The following BEND6 variants were observed in gnomAD, a reference collection of about 807,000 sequenced individuals.
BEND6 encodes BEN domain-containing protein 6.
Under a neutral mutation model 31.8 loss-of-function variants are expected in BEND6, and 24 were observed. The observed-to-expected ratio is 0.75, with a 90% confidence interval of 0.55 to 1.06. BEND6 has a LOEUF of 1.06. Ranked by LOEUF, BEND6 falls within the 50% of genes least tolerant of loss-of-function variation. The pLI is 0.00. For synonymous variants in BEND6, 109 were observed against 114.6 expected, an observed-to-expected ratio of 0.95 and a Z score of 0.31; for missense variants, 294 against 327.4, an observed-to-expected ratio of 0.90 and a Z score of 0.79.
intron 1 of BEND6, among the ~76,000 whole-genome samples, chr6:56,976,614 G>A (rs1486691422): frequency 6.6e-6 from 1 of 152,082 alleles, no homozygotes; most frequent in East Asian, 1.9e-4. Flanking sequence ...ACTCAGGCTG[G>A]AGTGCAGTGG....
At chr6:57,004,978 G>T (rs547836062) in intron 3 of BEND6, among the ~76,000 whole-genome samples, 2 of 152,244 alleles carry the variant, frequency 1.3e-5, no homozygotes, top group African/African-American at 4.8e-5. Context: ...AATATGAAAA[G>T]AATTAAGAAG....
intron 3 of BEND6, chr6:57,008,444 T>A (rs1827237122): frequency 3.5e-6 from 2 of 564,290 alleles, no homozygotes; most frequent in South Asian, 4.6e-5. Flanking sequence ...TCTGTCTGTG[T>A]AACTGGAGTG....
At position 56,991,130 on chromosome 6, in the gene BEND6, ATAAAT is replaced by A. The variant is rs140252869; in HGVS notation, c.121-1244_121-1240del. Among the ~76,000 whole-genome samples the A allele has an allele frequency of 3.5e-3, 532 of 152,340 alleles. 4 individuals are homozygous for A. The highest frequency in any genetic ancestry group is 0.012 in the African/African-American group (491 of 41,586). On this transcript the variant is annotated intron_variant, in intron 2 of 6. Transcript: ENST00000370746. ...TTGAAAAAATTGCAAACATTTAAAAATAAATTAATTAAGCCTTCTTATCTCTGAAC... is the reference window on the plus strand; with the variant it reads ...TTGAAAAAATTGCAAACATTTAAAAATAATTAAGCCTTCTTATCTCTGAAC...
chr6:56,981,731 C>A lies in BEND6; in HGVS notation c.-80C>A. ...TTAAGGGAAAGCATTAACTTTTGAG[C>A]TACGTCCAGAATAGCATCATCTTCA... On this transcript the variant is annotated 5_prime_UTR_variant, in exon 2 of 7. Coordinates refer to ENST00000370746, the MANE Select transcript of BEND6 (RefSeq NM_152731.3). 6.6e-7 allele frequency: 1 copy of A among 1,504,398 alleles called. No individual in the cohort carries two copies. The highest frequency in any genetic ancestry group is 9.0e-7 in the Non-Finnish European group (1 of 1,112,554). 93.2% of individuals were successfully genotyped at this position (1,504,398 alleles called of 1,614,324 possible). A position where few individuals can be genotyped will look rare whatever the true frequency, so the allele number is the denominator to read the frequency against.
At chr6:56,990,826 C>T (rs16888268) in intron 2 of BEND6, among the ~76,000 whole-genome samples, 10,560 of 152,126 alleles carry the variant, frequency 0.069, 490 homozygotes, top group East Asian at 0.18. Flanking sequence ...AATTAAGGAT[C>T]CTACAGGAGT....
At chr6:57,018,209 G>A (rs903967121) in intron 5 of BEND6, among the ~76,000 whole-genome samples, 5 of 152,188 alleles carry the variant, frequency 3.3e-5, no homozygotes, top group South Asian at 4.1e-4. Flanking sequence ...TAGGATCTCA[G>A]TTGATAATAT....
chr6:56,964,049 T>C (rs112057188), intron 1 of BEND6, among the ~76,000 whole-genome samples: 3 of 148,420 alleles, frequency 2.0e-5, no homozygotes, highest in African/African-American at 7.3e-5. Flanking sequence ...TAATTAATAT[T>C]AATTAATTTA....
At chr6:57,007,160 G>A (rs546975022) in intron 3 of BEND6, among the ~76,000 whole-genome samples, 15 of 151,998 alleles carry the variant, frequency 9.9e-5, no homozygotes, top group Middle Eastern at 3.4e-3. Context: ...GTGGTGGCAC[G>A]CACCTGTGGT....
intron 1 of BEND6, among the ~76,000 whole-genome samples, chr6:56,955,851 T>C (rs1035698875): frequency 1.3e-5 from 2 of 152,192 alleles, no homozygotes; most frequent in African/African-American, 4.8e-5. Context: ...TCTCTCACAC[T>C]TGCAGGCACA....
chr6:56,969,698 G>T (rs2127843660), intron 1 of BEND6, among the ~76,000 whole-genome samples: 1 of 149,500 alleles, frequency 6.7e-6, no homozygotes, highest in African/African-American at 2.4e-5. Flanking sequence ...ATTACATTTT[G>T]ATATTAATCT....
intron 1 of BEND6, among the ~76,000 whole-genome samples, chr6:56,969,139 G>A (rs1413821567): frequency 6.6e-6 from 1 of 152,054 alleles, no homozygotes; most frequent in East Asian, 1.9e-4. Context: ...CTGCCTAATG[G>A]ACCTTAGTAA....
At chr6:56,960,117 T>C (rs1006457305) in intron 1 of BEND6, among the ~76,000 whole-genome samples, 1 of 152,212 alleles carries the variant, frequency 6.6e-6, no homozygotes, top group Admixed American at 6.5e-5. Flanking sequence ...AGTTTCCACA[T>C]TGAGTGTGGG....
intron 1 of BEND6, among the ~76,000 whole-genome samples, chr6:56,980,657 A>G (rs6459175): frequency 0.99 from 151,428 of 152,316 alleles, 75,284 homozygotes; most frequent in East Asian, 1. Flanking sequence ...AGCATTTTTG[A>G]CAGGACCATC....
In BEND6 at chr6:57,015,306, C is replaced by T; in HGVS notation, c.472C>T (p.Pro158Ser). 6.2e-7 allele frequency: 1 copy of T among 1,614,132 alleles called. No homozygotes were observed. The highest frequency in any genetic ancestry group is 8.5e-7 in the Non-Finnish European group (1 of 1,180,022). The part of the protein sequence containing the change: ...CSNSNSNSSS[P>S]VSLKPEEEHQ... The stretch of plus-strand genomic sequence containing the variant: ...TAATTCTAATTCTAACTCCAGTTCA[C>T]CAGTTTCCTTAAAGCCTGAGGAAGA... Residue 158 changes from proline to serine, a missense_variant, in exon 4 of 7, where the codon CCA becomes TCA. Physicochemically the swap from Pro to Ser is moderately conservative, Grantham distance 74 (BLOSUM62 -1). Coordinates refer to ENST00000370746, the MANE Select transcript of BEND6 (RefSeq NM_152731.3).
intron 3 of BEND6, among the ~76,000 whole-genome samples, chr6:57,000,903 G>C (rs980993984): frequency 9.9e-4 from 87 of 88,176 alleles, no homozygotes; most frequent in African/African-American, 3.0e-3. Context: ...AAAAAAAAAA[G>C]AAGTGCATAG....
chr6:56,955,638 A>G (rs1315940734), intron 1 of BEND6, among the ~76,000 whole-genome samples, 178 bp downstream of exon 1: 1 of 152,122 alleles, frequency 6.6e-6, no homozygotes, highest in Non-Finnish European at 1.5e-5. Flanking sequence ...TTCCACCCCA[A>G]ACTTGGTGCT....
chr6:56,957,174 T>C (rs758974405), intron 1 of BEND6, among the ~76,000 whole-genome samples: 51 of 152,256 alleles, frequency 3.3e-4, no homozygotes, highest in Non-Finnish European at 6.8e-4. Context: ...ACAACTGTTA[T>C]CATCCTGCGT....
intron 3 of BEND6, among the ~76,000 whole-genome samples, chr6:57,004,250 A>C (rs1165398375): frequency 1.3e-5 from 2 of 152,326 alleles, no homozygotes; most frequent in African/African-American, 4.8e-5. Flanking sequence ...CTTTGCTGAC[A>C]ATATGAGTCT....
At chr6:57,025,334 G>C (rs528874478) in intron 6 of BEND6, among the ~76,000 whole-genome samples, 1 of 152,306 alleles carries the variant, frequency 6.6e-6, no homozygotes, top group South Asian at 2.1e-4. Flanking sequence ...TTTTTGGTCT[G>C]ACTTGTTTTG....
Sources: gnomAD v4.1 joint callset for allele counts (sites outside exome capture counted in the v4.1 genomes callset) on GRCh38, gnomAD v4.1.1 for gene constraint, MANE v1.5 for transcripts, NCBI Gene and HGNC (gene_info 2026-07-23, HGNC 2026-07-21) for gene names.